Variants in HPSE2 observed in about 807,000 individuals in gnomAD.
HPSE2 encodes the protein inactive heparanase-2.
A neutral mutation model predicts 60.5 loss-of-function variants in HPSE2; 38 were observed. That is an observed-to-expected ratio of 0.63 (90% CI 0.48 to 0.82). HPSE2 has a LOEUF of 0.82. HPSE2 is among the 40% of genes least tolerant of loss of function. The pLI is 0.00. For synonymous variants in HPSE2, 295 were observed against 293.2 expected (o/e 1.01, Z -0.06); for missense variants, 713 against 740.4 (o/e 0.96, Z 0.43).
At chr10:98,705,300 T>C (rs1948518461) in intron 5 of HPSE2, among the ~76,000 whole-genome samples, 1 of 152,218 alleles carries the variant, frequency 6.6e-6, no homozygotes, top group Admixed American at 6.5e-5. Flanking sequence ...GCTTTTACAC[T>C]GTTGGTGGGA....
chr10:98,729,550 G>A (rs1384637900), intron 4 of HPSE2, among the ~76,000 whole-genome samples: 2 of 151,900 alleles, frequency 1.3e-5, no homozygotes, highest in African/African-American at 4.8e-5. Flanking sequence ...TGGAGTTTGC[G>A]GTGAGCCGAG....
intron 3 of HPSE2, among the ~76,000 whole-genome samples, chr10:98,830,886 G>GATTTTTCC (rs1236166377): frequency 6.6e-6 from 1 of 152,148 alleles, no homozygotes; most frequent in Non-Finnish European, 1.5e-5. Context: ...AGTCCATGCA[G>GATTTTTCC]ATTTTTCCCC....
At chr10:98,890,898 T>C (rs1953316856) in intron 3 of HPSE2, among the ~76,000 whole-genome samples, 1 of 152,224 alleles carries the variant, frequency 6.6e-6, no homozygotes, top group African/African-American at 2.4e-5. Flanking sequence ...ACTCCAAATA[T>C]CAATTGAACT....
intron 3 of HPSE2, among the ~76,000 whole-genome samples, chr10:99,075,476 C>A (rs897195486): frequency 2.0e-5 from 3 of 152,002 alleles, no homozygotes; most frequent in African/African-American, 4.8e-5. Flanking sequence ...ATGTTTGGTA[C>A]CTTTGAGAAA....
intron 3 of HPSE2, among the ~76,000 whole-genome samples, chr10:98,916,227 C>T (rs1954116170): frequency 1.3e-5 from 2 of 152,134 alleles, no homozygotes; most frequent in African/African-American, 4.8e-5. Flanking sequence ...AAATTACTTG[C>T]TATGTTTAAC....
chr10:99,134,225 AAG>A (rs1454480656), intron 3 of HPSE2, among the ~76,000 whole-genome samples: 2 of 152,194 alleles, frequency 1.3e-5, no homozygotes, highest in Non-Finnish European at 2.9e-5. Flanking sequence ...CTATGTGAAA[AAG>A]ACCAAATCTA....
chr10:99,085,130 C>T (rs1371171193), intron 3 of HPSE2, among the ~76,000 whole-genome samples: 1 of 152,190 alleles, frequency 6.6e-6, no homozygotes, highest in Non-Finnish European at 1.5e-5. Context: ...GAGTGAGATG[C>T]TAGTGTGCTT....
upstream of HPSE2, among the ~76,000 whole-genome samples, chr10:99,238,577 A>C (rs568413976): frequency 5.3e-5 from 8 of 152,332 alleles, no homozygotes; most frequent in African/African-American, 1.7e-4. Context: ...CTGATATTTA[A>C]GAGGTTAGCC....
At chr10:98,481,807 A>G (rs1302046010) in intron 11 of HPSE2, among the ~76,000 whole-genome samples, 3 of 152,202 alleles carry the variant, frequency 2.0e-5, no homozygotes, top group Non-Finnish European at 4.4e-5. Flanking sequence ...GTAAACATTA[A>G]AAATGGAATA....
chr10:98,508,271 T>C (rs1384929940), intron 9 of HPSE2, among the ~76,000 whole-genome samples: 1 of 152,196 alleles, frequency 6.6e-6, no homozygotes, highest in Non-Finnish European at 1.5e-5. Flanking sequence ...TCTTTAGTAT[T>C]TGTCAAAAAG....
intron 6 of HPSE2, among the ~76,000 whole-genome samples, chr10:98,657,999 G>A (rs140233822): frequency 3.3e-5 from 5 of 152,240 alleles, no homozygotes; most frequent in South Asian, 4.1e-4. Context: ...GAGAACAGAC[G>A]AAGTTTTGTT....
chr10:98,727,850 G>A (rs974686131), intron 4 of HPSE2, among the ~76,000 whole-genome samples: 2 of 152,094 alleles, frequency 1.3e-5, no homozygotes, highest in African/African-American at 4.8e-5. Flanking sequence ...TAACAGCTCA[G>A]TTTTTATCAG....
At chr10:98,985,785 G>A (rs1431247930) in intron 3 of HPSE2, among the ~76,000 whole-genome samples, 8 of 152,074 alleles carry the variant, frequency 5.3e-5, no homozygotes, top group East Asian at 1.9e-4. Context: ...CAAAATAAAC[G>A]GATGGAGGAA....
intron 5 of HPSE2, among the ~76,000 whole-genome samples, chr10:98,702,311 C>T (rs1309243069): frequency 6.6e-6 from 1 of 152,122 alleles, no homozygotes; most frequent in Non-Finnish European, 1.5e-5. Context: ...ATTCATAATA[C>T]AAGTTCTTAG....
chr10:99,305,973 G>GCACACACACACACACACA, the HPSE2 span, among the ~76,000 whole-genome samples: 83 of 44,034 alleles, frequency 1.9e-3, 1 homozygote, highest in African/African-American at 4.6e-3. Flanking sequence ...GCGCGCGCGC[G>GCACACACACACACACACA]CGCGCGCACA....
At chr10:98,664,577 G>A (rs1207761864) in intron 6 of HPSE2, among the ~76,000 whole-genome samples, 2 of 152,096 alleles carry the variant, frequency 1.3e-5, no homozygotes, top group African/African-American at 4.8e-5. Flanking sequence ...GAGCACTATC[G>A]ACAATGCGCT....
chr10:98,906,621 A>T (rs923327212), intron 3 of HPSE2, among the ~76,000 whole-genome samples: 7 of 152,240 alleles, frequency 4.6e-5, no homozygotes, highest in Non-Finnish European at 1.0e-4. Context: ...AAATGCTAGA[A>T]TAGGCTGGGT....
intron 3 of HPSE2, among the ~76,000 whole-genome samples, chr10:98,772,119 G>A (rs1400798685): frequency 6.6e-6 from 1 of 152,156 alleles, no homozygotes; most frequent in Non-Finnish European, 1.5e-5. Flanking sequence ...AGAGCCTTAG[G>A]TGTCGGTGCT....
intron 3 of HPSE2, among the ~76,000 whole-genome samples, chr10:98,915,522 A>C (rs1954096118): frequency 6.6e-6 from 1 of 152,184 alleles, no homozygotes; most frequent in African/African-American, 2.4e-5. Flanking sequence ...GGAAAAATTT[A>C]CTTATAAATA....
Sources: allele counts gnomAD v4.1 joint callset (sites outside exome capture counted in the v4.1 genomes callset), GRCh38; gene constraint gnomAD v4.1.1; transcripts MANE v1.5; gene names NCBI Gene and HGNC (gene_info 2026-07-23, HGNC 2026-07-21).